Variants in EPHA3 observed in about 807,000 individuals in gnomAD.
The protein encoded by EPHA3 is ephrin type-A receptor 3.
EPHA3 carries 42 observed loss-of-function variants against 107.1 expected under a neutral mutation model. The ratio of observed to expected loss-of-function variants is 0.39; its 90% CI spans 0.31 to 0.51. EPHA3 has a LOEUF of 0.51. Among genes scored for constraint, EPHA3 ranks in the 20% least tolerant of loss-of-function variants. The pLI is 0.78. For missense variants in EPHA3, 1,183 were observed against 1,211.2 expected (o/e 0.98, Z 0.35); for synonymous variants, 461 against 424.8 (o/e 1.09, Z -1.05).
chr3:89,472,369 T>A, intron 15 of EPHA3, 95 bp from the exon 16 acceptor site: 1 of 1,303,366 alleles, frequency 7.7e-7, no homozygotes, highest in South Asian at 1.4e-5. Flanking sequence ...CCATATGAAG[T>A]CTGGAAGTTC....
At chr3:89,382,531 T>G (rs1340256654) in intron 5 of EPHA3, among the ~76,000 whole-genome samples, 1 of 147,256 alleles carries the variant, frequency 6.8e-6, no homozygotes, top group Admixed American at 6.8e-5. Flanking sequence ...AAAAAGAGAA[T>G]ATTCCATGTC....
At chr3:89,254,159 C>T (rs1481103365) in intron 3 of EPHA3, among the ~76,000 whole-genome samples, 1 of 152,006 alleles carries the variant, frequency 6.6e-6, no homozygotes, top group Non-Finnish European at 1.5e-5. Flanking sequence ...TATTTAGACT[C>T]TTATACTTAG....
chr3:89,206,044 T>G (rs1706094635), intron 2 of EPHA3, among the ~76,000 whole-genome samples: 1 of 152,194 alleles, frequency 6.6e-6, no homozygotes, highest in Admixed American at 6.5e-5. Context: ...TTCTACTGTC[T>G]TTAGTCCTCA....
At chr3:89,402,847 T>G (rs1279122466) in intron 7 of EPHA3, among the ~76,000 whole-genome samples, 2 of 152,106 alleles carry the variant, frequency 1.3e-5, no homozygotes, top group African/African-American at 2.4e-5. Context: ...CCAGCTAATT[T>G]TGGCATTTTT....
chr3:89,221,281 C>T (rs1375181452), intron 3 of EPHA3, among the ~76,000 whole-genome samples: 1 of 152,186 alleles, frequency 6.6e-6, no homozygotes, highest in Non-Finnish European at 1.5e-5. Flanking sequence ...TTACTTCTGA[C>T]TCCAAGGGTG....
chr3:89,480,577 G>T lies in EPHA3; in HGVS notation c.*1075G>T. ...AGAGAAGTGGAATCCTATATAGAAT[G>T]CTGCACTAATTGACAACACAGCCTA... On this transcript the variant is annotated 3_prime_UTR_variant, in exon 17 of 17. Transcript: ENST00000336596. The T allele has an allele frequency of 4.3e-6, 1 of 232,664 alleles. No individual in the cohort carries two copies. Among genetic ancestry groups the T allele is most frequent in the Non-Finnish European group, 8.5e-6 (1 of 117,536 alleles). 14.4% of individuals were successfully genotyped at this position (232,664 alleles called of 1,614,324 possible).
chr3:89,212,593 A>ATTTTTTTTTTTTT (rs10706823), intron 3 of EPHA3, among the ~76,000 whole-genome samples: 1 of 148,970 alleles, frequency 6.7e-6, no homozygotes, highest in Non-Finnish European at 1.5e-5. Flanking sequence ...AAACATCATG[A>ATTTTTTTTTTTTT]TTTTTTTTTT....
chr3:89,210,795 C>T lies in EPHA3; in HGVS notation c.814+275C>T, dbSNP rs577945244. The stretch of plus-strand genomic sequence containing the variant: ...TTTAAGTTTTTCTGCTGTTTAATAA[C>T]TAAGGTAATCTAATTCTAGACCACC... On this transcript the variant is annotated intron_variant, in intron 3 of 16. Transcript: ENST00000336596. Among the ~76,000 whole-genome samples the T allele has an allele frequency of 2.6e-5, 4 of 152,170 alleles. No individual in the cohort carries two copies. The East Asian group carries it at 7.8e-4, about 30-fold the overall frequency.
chr3:89,275,335 C>T (rs910210623), intron 3 of EPHA3, among the ~76,000 whole-genome samples: 4 of 151,954 alleles, frequency 2.6e-5, no homozygotes, highest in South Asian at 4.1e-4. Context: ...ACCAGAGCCC[C>T]GTGATTTTCC....
Position 89,399,335 on chromosome 3 carries a change from T to A in EPHA3, c.1449T>A (p.Ser483Arg), listed in dbSNP as rs2107508017. ...CCTCAAAGCAGGAACAAGAAACAAG[T>A]TATACCATTCTGAGGGCAAGAGGCA... ...KYYEKQEQETSYTILRARGTN... is the reference protein window; with the variant it reads ...KYYEKQEQETRYTILRARGTN... The change falls in exon 7 of 17, where the codon AGT becomes AGA. Residue 483 changes from serine to arginine, a missense_variant. Transcript: ENST00000336596. 6.2e-7 allele frequency: 1 copy of A among 1,610,596 alleles called. No individual in the cohort carries two copies. Among genetic ancestry groups the A allele is most frequent in the Non-Finnish European group, 8.5e-7 (1 of 1,177,592 alleles).
At chr3:89,308,875 C>A (rs1175573974) in intron 3 of EPHA3, among the ~76,000 whole-genome samples, 1 of 152,060 alleles carries the variant, frequency 6.6e-6, no homozygotes, top group African/African-American at 2.4e-5. Context: ...GATTAGATGA[C>A]AAAGGCAATG....
At chr3:89,286,315 T>C (rs1311698332) in intron 3 of EPHA3, among the ~76,000 whole-genome samples, 1 of 151,608 alleles carries the variant, frequency 6.6e-6, no homozygotes, top group East Asian at 2.0e-4. Context: ...CAGAAGTACA[T>C]GGTGAGACTT....
At chr3:89,365,789 T>C (rs1708174979) in intron 5 of EPHA3, among the ~76,000 whole-genome samples, 1 of 150,676 alleles carries the variant, frequency 6.6e-6, no homozygotes, top group Non-Finnish European at 1.5e-5. Flanking sequence ...GGTCTCTGCC[T>C]CCACTTTCCC....
chr3:89,172,336 G>A (rs1463237582), intron 2 of EPHA3, among the ~76,000 whole-genome samples: 1 of 152,148 alleles, frequency 6.6e-6, no homozygotes, highest in African/African-American at 2.4e-5. Flanking sequence ...GCTTGCCATT[G>A]AGAGCTGGGA....
At chr3:89,171,580 G>C (rs1333311138) in intron 2 of EPHA3, among the ~76,000 whole-genome samples, 1 of 151,970 alleles carries the variant, frequency 6.6e-6, no homozygotes, top group Non-Finnish European at 1.5e-5. Flanking sequence ...TAAAATAATG[G>C]GAAAGAAAAC....
intron 3 of EPHA3, among the ~76,000 whole-genome samples, chr3:89,320,216 A>G (rs1234492983): frequency 1.3e-5 from 2 of 151,892 alleles, no homozygotes; most frequent in Non-Finnish European, 2.9e-5. Context: ...AATGGGGGAA[A>G]CCACATGTAA....
intron 3 of EPHA3, among the ~76,000 whole-genome samples, chr3:89,261,753 A>G (rs1426431426): frequency 6.6e-6 from 1 of 151,936 alleles, no homozygotes; most frequent in East Asian, 1.9e-4. Flanking sequence ...TGTCCTTAAC[A>G]TTGCTCTTTG....
intron 3 of EPHA3, among the ~76,000 whole-genome samples, chr3:89,303,121 C>G (rs778314201): frequency 3.9e-5 from 6 of 152,074 alleles, no homozygotes; most frequent in Non-Finnish European, 7.4e-5. Context: ...GTCTTGAGCT[C>G]CTAGGCTCAA....
chr3:89,389,128 T>C (rs1708677781), intron 5 of EPHA3, among the ~76,000 whole-genome samples: 1 of 152,134 alleles, frequency 6.6e-6, no homozygotes, highest in Admixed American at 6.5e-5. Context: ...CACTGCAAAT[T>C]GATAAGGTTT....
Sources: gnomAD v4.1 joint callset for allele counts (sites outside exome capture counted in the v4.1 genomes callset) on GRCh38, gnomAD v4.1.1 for gene constraint, MANE v1.5 for transcripts, NCBI Gene and HGNC (gene_info 2026-07-23, HGNC 2026-07-21) for gene names.